The following MDGA2 variants were observed in gnomAD, a reference collection of about 807,000 sequenced individuals.
MDGA2 encodes MAM domain containing glycosylphosphatidylinositol anchor 2, also known as MAM domain-containing glycosylphosphatidylinositol anchor protein 2.
In MDGA2, 40 loss-of-function variants were observed where a neutral mutation model predicts 117.8. The ratio of observed to expected loss-of-function variants is 0.34; its 90% CI spans 0.26 to 0.44. The LOEUF is 0.44. Ranked by LOEUF, MDGA2 falls within the 20% of genes least tolerant of loss-of-function variation. The probability of loss-of-function intolerance (pLI) is 1.00; values close to 1 mark genes in which losing one functional copy is unlikely to be tolerated. For synonymous variants in MDGA2, 452 were observed against 439.0 expected (o/e 1.03, Z -0.37); for missense variants, 1,123 against 1,250.6 (o/e 0.90, Z 1.54).
At chr14:47,028,164 T>G (rs1250598458) in intron 8 of MDGA2, among the ~76,000 whole-genome samples, 1 of 152,094 alleles carries the variant, frequency 6.6e-6, no homozygotes, top group Non-Finnish European at 1.5e-5. Flanking sequence ...TCATTATCCT[T>G]ATAGTGGCAA....
intron 1 of MDGA2, among the ~76,000 whole-genome samples, chr14:47,631,195 T>C (rs1045481605): frequency 6.6e-6 from 1 of 152,204 alleles, no homozygotes; most frequent in Non-Finnish European, 1.5e-5. Context: ...ACCACTGTTC[T>C]GGAGCATTTA....
intron 6 of MDGA2, among the ~76,000 whole-genome samples, chr14:47,065,406 C>G (rs1425937650): frequency 6.6e-6 from 1 of 152,060 alleles, no homozygotes; most frequent in Non-Finnish European, 1.5e-5. Flanking sequence ...GCTCACCTTC[C>G]CTAGAAATAA....
intron 1 of MDGA2, among the ~76,000 whole-genome samples, chr14:47,596,249 TAC>T (rs2138868674): frequency 6.6e-6 from 1 of 152,284 alleles, no homozygotes; most frequent in Non-Finnish European, 1.5e-5. Flanking sequence ...CCAAAACACA[TAC>T]AGTTTTGTTC....
intron 1 of MDGA2, among the ~76,000 whole-genome samples, chr14:47,472,869 C>T (rs1893757223): frequency 6.6e-6 from 1 of 152,042 alleles, no homozygotes. Flanking sequence ...TGAGTTTATA[C>T]ATGAAGGGTG....
intron 2 of MDGA2, among the ~76,000 whole-genome samples, chr14:47,248,466 T>C (rs1384790880): frequency 6.6e-6 from 1 of 151,656 alleles, no homozygotes; most frequent in Non-Finnish European, 1.5e-5. Flanking sequence ...TGCTAGATAG[T>C]AGCCACAAGG....
At chr14:46,987,052 T>C (rs1208753339) in intron 8 of MDGA2, among the ~76,000 whole-genome samples, 1 of 152,134 alleles carries the variant, frequency 6.6e-6, no homozygotes, top group Admixed American at 6.6e-5. Flanking sequence ...TGTATGTATG[T>C]GTCTGCATAT....
At chr14:47,365,298 C>T (rs1891208787) in intron 1 of MDGA2, among the ~76,000 whole-genome samples, 2 of 152,358 alleles carry the variant, frequency 1.3e-5, no homozygotes, top group Non-Finnish European at 2.9e-5. Flanking sequence ...CCTGCCTTTC[C>T]CTTCTGTTAA....
chr14:47,053,166 C>T (rs1889516475), intron 7 of MDGA2, among the ~76,000 whole-genome samples: 1 of 151,812 alleles, frequency 6.6e-6, no homozygotes, highest in African/African-American at 2.4e-5. Context: ...GCTTATTTTC[C>T]TTGATTTCCA....
At chr14:47,101,122 TA>T (rs1880293030) in intron 5 of MDGA2, among the ~76,000 whole-genome samples, 2 of 94,742 alleles carry the variant, frequency 2.1e-5, no homozygotes, top group African/African-American at 8.5e-5. Context: ...GATAGATAGA[TA>T]GACAGATAGA....
intron 3 of MDGA2, among the ~76,000 whole-genome samples, chr14:47,191,186 A>G (rs972527542): frequency 4.0e-5 from 6 of 151,872 alleles, no homozygotes; most frequent in African/African-American, 1.2e-4. Context: ...TTTCCCCCTT[A>G]GGACTACAAT....
chr14:47,643,620 A>G (rs930381295), intron 1 of MDGA2, among the ~76,000 whole-genome samples: 1 of 152,142 alleles, frequency 6.6e-6, no homozygotes, highest in Non-Finnish European at 1.5e-5. Context: ...ATGTTAACGT[A>G]CCTAACAGTT....
At chr14:47,234,586 C>T (rs1016552020) in intron 2 of MDGA2, among the ~76,000 whole-genome samples, 3 of 151,952 alleles carry the variant, frequency 2.0e-5, no homozygotes, top group Non-Finnish European at 4.4e-5. Context: ...GTTAAAGATA[C>T]AACACCAAGA....
Position 47,133,834 on chromosome 14 carries a change from G to A in MDGA2, c.793-1988C>T, listed in dbSNP as rs150079984. On this transcript the variant is annotated intron_variant, in intron 4 of 16. Transcript: ENST00000399232. ...GATCCTTTTATTGATCTTTACTCAT[G>A]TTCAATCCCAATTATTCTTTGTATC... is the stretch of plus-strand genomic sequence containing the variant. Among the ~76,000 whole-genome samples the A allele has an allele frequency of 4.9e-3, 739 of 151,882 alleles. 9 individuals are homozygous for A. The highest frequency in any genetic ancestry group is 0.016 in the African/African-American group (679 of 41,478).
chr14:47,292,110 C>T (rs1888911430), intron 2 of MDGA2, among the ~76,000 whole-genome samples: 1 of 152,214 alleles, frequency 6.6e-6, no homozygotes, highest in Non-Finnish European at 1.5e-5. Context: ...TTACCATAAG[C>T]TATTATATAT....
intron 10 of MDGA2, among the ~76,000 whole-genome samples, chr14:46,913,665 C>T (rs917432840): frequency 2.0e-5 from 3 of 152,034 alleles, no homozygotes; most frequent in Non-Finnish European, 4.4e-5. Flanking sequence ...TCGTGGTCAC[C>T]GTTTAAGAAA....
intron 2 of MDGA2, among the ~76,000 whole-genome samples, chr14:47,288,004 G>A (rs1888747576): frequency 6.6e-6 from 1 of 152,122 alleles, no homozygotes; most frequent in Admixed American, 6.6e-5. Flanking sequence ...AATCTCAGAG[G>A]GATGATGGCC....
At chr14:47,144,372 T>A in intron 3 of MDGA2, 98 bp from the exon 4 acceptor site, 1 of 772,454 alleles carries the variant, frequency 1.3e-6, no homozygotes, top group East Asian at 2.8e-5. Flanking sequence ...ATATTCCTCA[T>A]TGATTGTATT....
At chr14:47,268,861 A>G (rs1888052593) in intron 2 of MDGA2, among the ~76,000 whole-genome samples, 1 of 152,242 alleles carries the variant, frequency 6.6e-6, no homozygotes. Context: ...TCAGTGTTTA[A>G]GGATAAATGC....
intron 1 of MDGA2, among the ~76,000 whole-genome samples, chr14:47,358,216 G>T (rs1388998460): frequency 6.6e-6 from 1 of 152,142 alleles, no homozygotes; most frequent in East Asian, 1.9e-4. Flanking sequence ...ATCAGCAACT[G>T]CTCCTGTGCT....
Sources: gnomAD v4.1 joint callset for allele counts (sites outside exome capture counted in the v4.1 genomes callset) on GRCh38, gnomAD v4.1.1 for gene constraint, MANE v1.5 for transcripts, NCBI Gene and HGNC (gene_info 2026-07-23, HGNC 2026-07-21) for gene names.